COL24A1: variants seen among roughly 807,000 people sequenced by gnomAD.
The protein encoded by COL24A1 is collagen type XXIV alpha 1 chain, also known as collagen alpha-1(XXIV) chain.
COL24A1 carries 224 observed loss-of-function variants against 253.9 expected under a neutral mutation model. The ratio of observed to expected loss-of-function variants is 0.88; its 90% confidence interval spans 0.79 to 0.99. The LOEUF is 0.99. Among genes scored for constraint, COL24A1 ranks in the 50% least tolerant of loss-of-function variants. The pLI is 0.00. For synonymous variants in COL24A1, 685 were observed against 673.7 expected (o/e 1.02, Z -0.26); for missense variants, 2,131 against 2,068.5 (o/e 1.03, Z -0.59).
At chr1:85,778,059 A>ATCTATCTATCTATCTG (rs1553173132) in intron 52 of COL24A1, among the ~76,000 whole-genome samples, 1 of 151,668 alleles carries the variant, frequency 6.6e-6, no homozygotes, top group African/African-American at 2.4e-5. Context: ...CTATCTATCT[A>ATCTATCTATCTATCTG]TCTATCTATC....
intron 10 of COL24A1, among the ~76,000 whole-genome samples, chr1:86,051,943 T>C (rs1369525540): frequency 6.6e-6 from 1 of 151,994 alleles, no homozygotes; most frequent in Non-Finnish European, 1.5e-5. Flanking sequence ...TTGGGAGATG[T>C]GGGGTTCATA....
intron 24 of COL24A1, among the ~76,000 whole-genome samples, chr1:85,932,058 A>C (rs1687781526): frequency 1.2e-5 from 1 of 81,952 alleles, no homozygotes; most frequent in Non-Finnish European, 2.4e-5. Context: ...ACCAAAAGCA[A>C]TGGCAACCAA....
intron 24 of COL24A1, among the ~76,000 whole-genome samples, chr1:85,958,900 A>C (rs943488385): frequency 6.6e-6 from 1 of 152,140 alleles, no homozygotes; most frequent in Non-Finnish European, 1.5e-5. Context: ...TGTATACTAT[A>C]AATAATTGCA....
At chr1:85,808,224 G>T (rs1040547010) in intron 47 of COL24A1, among the ~76,000 whole-genome samples, 1 of 152,124 alleles carries the variant, frequency 6.6e-6, no homozygotes, top group African/African-American at 2.4e-5. Flanking sequence ...TGCCATAAAG[G>T]CCTGAAAGAT....
intron 8 of COL24A1, 31 bp downstream of exon 8, chr1:86,063,684 A>G (rs768516523): frequency 4.8e-6 from 7 of 1,470,838 alleles, no homozygotes; most frequent in Non-Finnish European, 6.4e-6. Context: ...TTTTTCACAC[A>G]TGATACAAGT....
intron 52 of COL24A1, among the ~76,000 whole-genome samples, chr1:85,777,857 T>A (rs1558085986): frequency 6.6e-6 from 1 of 152,156 alleles, no homozygotes; most frequent in Non-Finnish European, 1.5e-5. Flanking sequence ...TTCTCTGACT[T>A]AAATTTAGGT....
chr1:85,795,696 T>A (rs1670733836), intron 47 of COL24A1, among the ~76,000 whole-genome samples: 1 of 152,140 alleles, frequency 6.6e-6, no homozygotes, highest in South Asian at 2.1e-4. Context: ...GAGCATTATG[T>A]TTATATAGTT....
At chr1:85,832,006 C>G (rs1401023514) in intron 43 of COL24A1, among the ~76,000 whole-genome samples, 1 of 151,984 alleles carries the variant, frequency 6.6e-6, no homozygotes, top group Non-Finnish European at 1.5e-5. Flanking sequence ...TTGCCCATGC[C>G]TATGTCCTGA....
intron 3 of COL24A1, among the ~76,000 whole-genome samples, chr1:86,123,134 T>C (rs1416571189): frequency 6.6e-6 from 1 of 151,934 alleles, no homozygotes; most frequent in Non-Finnish European, 1.5e-5. Flanking sequence ...AGATAATATA[T>C]GTAAAGAGAC....
chr1:86,017,064 G>T, intron 19 of COL24A1, 87 bp downstream of exon 19: 1 of 1,211,454 alleles, frequency 8.3e-7, no homozygotes, highest in Non-Finnish European at 1.2e-6. Context: ...TCTTTCTTAA[G>T]CTTGCTATGT....
chr1:85,867,840 GT>G (rs1288736195), intron 37 of COL24A1, among the ~76,000 whole-genome samples: 1 of 152,106 alleles, frequency 6.6e-6, no homozygotes, highest in Non-Finnish European at 1.5e-5. Context: ...TGCCTCCTGG[GT>G]TCAAGCGATT....
At chr1:85,848,133 A>G (rs928883783) in intron 38 of COL24A1, among the ~76,000 whole-genome samples, 28 of 152,196 alleles carry the variant, frequency 1.8e-4, no homozygotes, top group African/African-American at 6.3e-4. Context: ...GAGAATTTCA[A>G]TGCAACAAGG....
At chr1:85,764,596 GGCTCT>G (rs1667175465) in intron 53 of COL24A1, among the ~76,000 whole-genome samples, 2 of 151,688 alleles carry the variant, frequency 1.3e-5, no homozygotes, top group East Asian at 1.9e-4. Flanking sequence ...TGGGAATCTG[GGCTCT>G]GGTTTTGTCT....
chr1:85,895,757 T>C (rs1683617452), intron 31 of COL24A1, 101 bp downstream of exon 31: 2 of 910,750 alleles, frequency 2.2e-6, no homozygotes, highest in African/African-American at 3.4e-5. Context: ...TATATATAAT[T>C]TTTATGTGTC....
At chr1:85,769,043 C>T (rs887189775) in intron 53 of COL24A1, among the ~76,000 whole-genome samples, 7 of 151,976 alleles carry the variant, frequency 4.6e-5, no homozygotes, top group African/African-American at 1.4e-4. Flanking sequence ...TAAATTTTAT[C>T]CTCTAGAGTT....
intron 1 of COL24A1, 38 bp downstream of exon 1, chr1:86,156,303 G>T: frequency 1.3e-6 from 2 of 1,593,274 alleles, no homozygotes; most frequent in Middle Eastern, 1.8e-4. Flanking sequence ...AGAGGGGTTG[G>T]TCTAACCCCT....
At chr1:86,076,172 A>T (rs1317029965) in intron 7 of COL24A1, among the ~76,000 whole-genome samples, 1 of 152,180 alleles carries the variant, frequency 6.6e-6, no homozygotes, top group Non-Finnish European at 1.5e-5. Context: ...AATCTCCTTA[A>T]GCTGATAAGC....
intron 5 of COL24A1, among the ~76,000 whole-genome samples, chr1:86,111,556 G>A (rs1296044198): frequency 6.7e-5 from 8 of 118,882 alleles, no homozygotes; most frequent in East Asian, 2.1e-4. Flanking sequence ...AAAATGGACC[G>A]ATCAGCAGGA....
intron 33 of COL24A1, among the ~76,000 whole-genome samples, chr1:85,876,554 T>C (rs1412086851): frequency 6.6e-6 from 1 of 152,116 alleles, no homozygotes; most frequent in African/African-American, 2.4e-5. Context: ...CAGAGTAATA[T>C]TGGTACTTAA....
Sources: allele counts gnomAD v4.1 joint callset (sites outside exome capture counted in the v4.1 genomes callset), GRCh38; gene constraint gnomAD v4.1.1; transcripts MANE v1.5; gene names NCBI Gene and HGNC (gene_info 2026-07-23, HGNC 2026-07-21).